Variants in STX8 observed in about 807,000 individuals in gnomAD.
STX8 encodes syntaxin-8.
Under a neutral mutation model 37.5 loss-of-function variants are expected in STX8, and 23 were observed. That is an observed-to-expected ratio of 0.61 (90% CI 0.44 to 0.87). The LOEUF (loss-of-function observed/expected upper bound fraction) is 0.87, where lower values mean the gene tolerates loss of function less well. Ranked by LOEUF, STX8 falls within the 40% of genes least tolerant of loss-of-function variation. The probability of loss-of-function intolerance (pLI) is 0.00; values close to 1 mark genes in which losing one functional copy is unlikely to be tolerated. For synonymous variants in STX8, 115 were observed against 99.1 expected (o/e 1.16, Z -0.95); for missense variants, 313 against 284.7 (o/e 1.10, Z -0.71).
At chr17:9,300,129 C>G (rs1908717049) in intron 7 of STX8, among the ~76,000 whole-genome samples, 1 of 151,900 alleles carries the variant, frequency 6.6e-6, no homozygotes, top group Non-Finnish European at 1.5e-5. Flanking sequence ...GTTGGGGGTT[C>G]GAGACCAGCC....
chr17:9,341,311 T>C (rs889866461), intron 7 of STX8, among the ~76,000 whole-genome samples: 1 of 152,136 alleles, frequency 6.6e-6, no homozygotes, highest in Non-Finnish European at 1.5e-5. Context: ...CCACAATGAA[T>C]AAAGAGAAGG....
At chr17:9,301,769 A>G (rs1908797860) in intron 7 of STX8, among the ~76,000 whole-genome samples, 1 of 152,004 alleles carries the variant, frequency 6.6e-6, no homozygotes, top group African/African-American at 2.4e-5. Flanking sequence ...GATTACAGGC[A>G]TGAGCCACGG....
chr17:9,302,288 T>G (rs1285028940), intron 7 of STX8, among the ~76,000 whole-genome samples: 1 of 152,190 alleles, frequency 6.6e-6, no homozygotes. Flanking sequence ...GGTTTTGTTT[T>G]TTTTCTTTTT....
At chr17:9,429,156 C>T (rs1009766637) in intron 6 of STX8, among the ~76,000 whole-genome samples, 4 of 151,440 alleles carry the variant, frequency 2.6e-5, no homozygotes, top group Admixed American at 6.6e-5. Flanking sequence ...AATTCACCTG[C>T]CACAAATTTA....
chr17:9,517,398 G>A (rs1239778849), intron 4 of STX8, among the ~76,000 whole-genome samples: 1 of 152,166 alleles, frequency 6.6e-6, no homozygotes, highest in Admixed American at 6.5e-5. Context: ...TCAATAAGGA[G>A]AGTTGTCAGG....
At chr17:9,565,934 G>C (rs1907441687) in intron 2 of STX8, among the ~76,000 whole-genome samples, 1 of 152,124 alleles carries the variant, frequency 6.6e-6, no homozygotes, top group Non-Finnish European at 1.5e-5. Context: ...AAAAGCAATT[G>C]CAACAAAAGC....
At chr17:9,549,233 A>G (rs1906668715) in intron 3 of STX8, among the ~76,000 whole-genome samples, 1 of 152,228 alleles carries the variant, frequency 6.6e-6, no homozygotes, top group South Asian at 2.1e-4. Flanking sequence ...TAAAAACAAT[A>G]AAGGTACATT....
intron 6 of STX8, among the ~76,000 whole-genome samples, chr17:9,416,189 G>C (rs1239817990): frequency 6.6e-6 from 1 of 152,072 alleles, no homozygotes; most frequent in Admixed American, 6.6e-5. Flanking sequence ...ACCTTACCTA[G>C]GCTTCATTCT....
chr17:9,370,815 T>C (rs1447439427), intron 7 of STX8, among the ~76,000 whole-genome samples: 1 of 151,754 alleles, frequency 6.6e-6, no homozygotes, highest in Admixed American at 6.6e-5. Context: ...AAACTGCAAT[T>C]ACAAAGATCC....
intron 7 of STX8, among the ~76,000 whole-genome samples, chr17:9,328,987 T>C (rs547638705): frequency 2.9e-5 from 4 of 137,328 alleles, no homozygotes; most frequent in African/African-American, 1.1e-4. Context: ...GAGGTGGAGG[T>C]TGCAGTGAGC....
At chr17:9,384,238 T>C (rs992268414) in intron 6 of STX8, among the ~76,000 whole-genome samples, 2 of 152,252 alleles carry the variant, frequency 1.3e-5, no homozygotes, top group South Asian at 4.1e-4. Flanking sequence ...ATTTTATACA[T>C]TGAATGCAAT....
chr17:9,258,228 G>A (rs917374481), intron 7 of STX8, among the ~76,000 whole-genome samples: 4 of 152,138 alleles, frequency 2.6e-5, no homozygotes, highest in African/African-American at 7.2e-5. Flanking sequence ...GACTTTTCAC[G>A]GCAGACTCCT....
At chr17:9,410,866 A>G (rs891164901) in intron 6 of STX8, among the ~76,000 whole-genome samples, 2 of 152,246 alleles carry the variant, frequency 1.3e-5, no homozygotes, top group Non-Finnish European at 2.9e-5. Flanking sequence ...TTATGTGTAC[A>G]GTTTAACAAA....
intron 7 of STX8, among the ~76,000 whole-genome samples, chr17:9,318,001 A>G (rs898546647): frequency 1.3e-5 from 2 of 152,164 alleles, no homozygotes; most frequent in African/African-American, 4.8e-5. Context: ...TGGCCTTTCT[A>G]CTTCCCAATT....
chr17:9,345,908 G>A (rs188124385), intron 7 of STX8, among the ~76,000 whole-genome samples: 27 of 120,754 alleles, frequency 2.2e-4, no homozygotes, highest in African/African-American at 8.2e-4. Context: ...CTGGAGTGCA[G>A]TGGCACGGTC....
intron 6 of STX8, among the ~76,000 whole-genome samples, chr17:9,394,422 G>C (rs1912327866): frequency 6.6e-6 from 1 of 151,096 alleles, no homozygotes; most frequent in Non-Finnish European, 1.5e-5. Context: ...CTATTGCCCA[G>C]GCTGGAGTGC....
At chr17:9,516,122 T>A (rs539336700) in intron 4 of STX8, among the ~76,000 whole-genome samples, 2 of 151,876 alleles carry the variant, frequency 1.3e-5, no homozygotes, top group East Asian at 3.9e-4. Context: ...GCTATGACCA[T>A]CAAAATGAGT....
intron 7 of STX8, among the ~76,000 whole-genome samples, chr17:9,376,375 T>A (rs867894371): frequency 3.2e-4 from 48 of 151,954 alleles, no homozygotes; most frequent in African/African-American, 1.1e-3. Context: ...GTGTCTAGCT[T>A]AAGGTTTGTA....
At position 9,414,407 on chromosome 17, in the gene STX8, A is replaced by G. The variant is rs141460851; in HGVS notation, c.542-35754T>C. ...ATTTACTAGGAAAATTAAATTTTTA[A>G]GCCCATTAACAGTATAACTGGATGT... On this transcript the variant is annotated intron_variant, in intron 6 of 7. Coordinates refer to ENST00000306357, the MANE Select transcript of STX8 (RefSeq NM_004853.3). Among the ~76,000 whole-genome samples, 4 of 152,286 alleles carry G rather than the reference A, an allele frequency of 2.6e-5. No homozygotes were observed. The East Asian group carries it at 7.7e-4, about 30-fold the overall frequency.
Sources: allele counts gnomAD v4.1 joint callset (sites outside exome capture counted in the v4.1 genomes callset), GRCh38; gene constraint gnomAD v4.1.1; transcripts MANE v1.5; gene names NCBI Gene and HGNC (gene_info 2026-07-23, HGNC 2026-07-21).